TRPA1: variants seen among roughly 807,000 people sequenced by gnomAD.
TRPA1 encodes the protein ankyrin-like with transmembrane domains 1.
In TRPA1, 129 loss-of-function variants were observed where a neutral mutation model predicts 131.3. The ratio of observed to expected loss-of-function variants is 0.98; its 90% CI spans 0.85 to 1.14. The LOEUF (loss-of-function observed/expected upper bound fraction) is 1.14. Among genes scored for constraint, TRPA1 ranks in the 50% most tolerant of loss-of-function variants. The pLI is 0.00. For missense variants in TRPA1, 1,304 were observed against 1,354.2 expected (o/e 0.96, Z 0.58); for synonymous variants, 441 against 451.7 (o/e 0.98, Z 0.30).
chr8:72,057,955 AATT>A (rs746147756), intron 8 of TRPA1, 139 bp from the exon 9 acceptor site: 1 of 664,384 alleles, frequency 1.5e-6, no homozygotes, highest in Non-Finnish European at 2.6e-6. Context: ...CTAGTTATAG[AATT>A]ATTTGAAAGT....
At chr8:72,055,160 A>G in intron 12 of TRPA1, 1 of 411,892 alleles carries the variant, frequency 2.4e-6, no homozygotes, top group Non-Finnish European at 4.4e-6. Flanking sequence ...AAAGGTTCTG[A>G]GAAAGACTGC....
intron 25 of TRPA1, among the ~76,000 whole-genome samples, chr8:72,024,225 G>A (rs1289797377): frequency 2.0e-5 from 3 of 152,144 alleles, no homozygotes; most frequent in Non-Finnish European, 4.4e-5. Context: ...ATCACGGAAG[G>A]TGGTATTCTA....
intron 20 of TRPA1, 34 bp from the exon 21 acceptor site, chr8:72,036,491 T>C (rs1158694956): frequency 7.0e-6 from 11 of 1,581,138 alleles, no homozygotes; most frequent in African/African-American, 1.3e-5. Context: ...TTACCACATA[T>C]AGAGACCTAG....
In TRPA1 at chr8:72,061,751, C is replaced by A; in HGVS notation, c.818G>T (p.Cys273Phe). Residue 273 changes from cysteine (C) to phenylalanine (F), a missense_variant, in exon 7 of 27, where the codon TGC (cysteine) becomes TTC (phenylalanine). By Grantham distance (205) the Cys-to-Phe change is radical. Coordinates refer to ENST00000262209, the MANE Select transcript of TRPA1 (RefSeq NM_007332.3). ...AQIDPVEKGR[C>F]TAIHFAATQG... ...GGTGGCAGCAAAATGAATGGCTGTG[C>A]ACCTTCCCTTCTGTAAAGGGTTTTA... The A allele has an allele frequency of 6.2e-7, 1 of 1,613,860 alleles. No homozygotes were observed. Among genetic ancestry groups the A allele is most frequent in the Non-Finnish European group, 8.5e-7 (1 of 1,179,846 alleles).
chr8:72,065,554 A>C lies in TRPA1; in HGVS notation c.449T>G (p.Leu150Trp). The change falls in exon 4 of 27, where the codon TTG becomes TGG. Residue 150 changes from leucine to tryptophan, a missense_variant. Coordinates refer to ENST00000262209, the MANE Select transcript of TRPA1 (RefSeq NM_007332.3). Reference sequence around the variant, plus strand: ...AACATCAATAGTTCTATGCTCAAGCAAGACCTAAAAAAAGGGGAGAATAAT... The same window carrying C: ...AACATCAATAGTTCTATGCTCAAGCCAGACCTAAAAAAAGGGGAGAATAAT... ...QGMNNEVMKV[L>W]LEHRTIDVNL... 7 of 1,612,742 alleles carry C rather than the reference A, an allele frequency of 4.3e-6. No individual in the cohort carries two copies. The highest frequency in any genetic ancestry group is 5.9e-6 in the Non-Finnish European group (7 of 1,179,092).
At chr8:72,038,485 A>G (rs906836577) in intron 19 of TRPA1, among the ~76,000 whole-genome samples, 2 of 152,066 alleles carry the variant, frequency 1.3e-5, no homozygotes, top group Non-Finnish European at 2.9e-5. Flanking sequence ...ATCTAGTTCC[A>G]TAACTTTTTC....
chr8:72,061,644 G>A lies in TRPA1; in HGVS notation c.925C>T (p.His309Tyr), dbSNP rs143084160. 8.8e-5 allele frequency: 142 copies of A among 1,613,938 alleles called. No individual in the cohort carries two copies. The highest frequency in any genetic ancestry group is 1.1e-4 in the Non-Finnish European group (132 of 1,179,954). The change falls in exon 7 of 27, where the codon CAT becomes TAT. Residue 309 changes from histidine (H) to tyrosine (Y), a missense_variant. His to Tyr is a moderately conservative substitution (Grantham distance 83). Coordinates refer to ENST00000262209, the MANE Select transcript of TRPA1 (RefSeq NM_007332.3). ...ACTTGCCTGTGAAGCATGGTCTCAT[G>A]ACATCCATCGGTTGTGTTAACAATA... ...VDIVNTTDGCHETMLHRASLF... is the reference protein window; with the variant it reads ...VDIVNTTDGCYETMLHRASLF...
intron 25 of TRPA1, among the ~76,000 whole-genome samples, chr8:72,024,120 T>A (rs1299537508): frequency 6.6e-6 from 1 of 152,030 alleles, no homozygotes; most frequent in African/African-American, 2.4e-5. Context: ...AAATAAAACA[T>A]GTACAGATAA....
intron 25 of TRPA1, among the ~76,000 whole-genome samples, chr8:72,024,756 G>A (rs1264719830): frequency 6.6e-6 from 1 of 152,186 alleles, no homozygotes; most frequent in Non-Finnish European, 1.5e-5. Context: ...GGGAACTGAA[G>A]AGTGAGCTCT....
the TRPA1 span, among the ~76,000 whole-genome samples, chr8:72,084,818 A>C: frequency 6.6e-6 from 1 of 151,504 alleles, no homozygotes; most frequent in East Asian, 1.9e-4. Flanking sequence ...CACCCAGCTG[A>C]TTTTTGTATT....
chr8:72,040,591 ACTAACTT>A (rs1258375680), intron 17 of TRPA1, among the ~76,000 whole-genome samples: 1 of 152,106 alleles, frequency 6.6e-6, no homozygotes, highest in Non-Finnish European at 1.5e-5. Flanking sequence ...GAACATATCC[ACTAACTT>A]CTGACTTCTA....
At chr8:72,046,745 T>C (rs1805337409) in intron 16 of TRPA1, 137 bp from the exon 17 acceptor site, 1 of 574,250 alleles carries the variant, frequency 1.7e-6, no homozygotes, top group Non-Finnish European at 3.1e-6. Flanking sequence ...AGTTGAGTTA[T>C]TTCAAGTGGA....
At chr8:72,063,028 TA>T (rs890492532) in intron 5 of TRPA1, 84 bp from the exon 6 acceptor site, 5 of 1,333,316 alleles carry the variant, frequency 3.8e-6, no homozygotes, top group Non-Finnish European at 5.2e-6. Context: ...TGAACAAAGG[TA>T]AAAAAACAAT....
chr8:72,068,933 G>A, intron 3 of TRPA1, 90 bp downstream of exon 3: 2 of 1,348,036 alleles, frequency 1.5e-6, no homozygotes, highest in Non-Finnish European at 2.1e-6. Flanking sequence ...CTTAGAAGGT[G>A]CTCATCCTGG....
intron 4 of TRPA1, among the ~76,000 whole-genome samples, chr8:72,064,771 G>GA (rs1358697943): frequency 6.6e-6 from 1 of 151,856 alleles, no homozygotes; most frequent in Non-Finnish European, 1.5e-5. Context: ...ACGAATATTT[G>GA]AAAAAAGTCT....
chr8:72,073,495 A>G (rs6993348), intron 1 of TRPA1, among the ~76,000 whole-genome samples: 1 of 151,918 alleles, frequency 6.6e-6, no homozygotes, highest in Admixed American at 6.6e-5. Context: ...AACCCTTCAT[A>G]GTGTTATATA....
rs562687369 is a variant in TRPA1, at chr8:72,036,585, G to T, written c.2386-128C>A. The T allele has an allele frequency of 1.1e-5, 9 of 838,108 alleles. No homozygotes were observed. In the African/African-American group the frequency reaches 1.4e-4, roughly 13 times the overall value. The allele number at this position is 838,108 out of a possible 1,614,324, so 51.9% of individuals were successfully genotyped here. A position where few individuals can be genotyped will look rare whatever the true frequency, so the allele number is the denominator to read the frequency against. On this transcript the variant is annotated intron_variant, in intron 20 of 26. Coordinates refer to ENST00000262209, the MANE Select transcript of TRPA1 (RefSeq NM_007332.3). ...AGCTGGGGAGAAGTTTAGGACCAAGGAGTAACCTCACGCCATCCTGGATTG... is the reference window on the plus strand; with the variant it reads ...AGCTGGGGAGAAGTTTAGGACCAAGTAGTAACCTCACGCCATCCTGGATTG...
At chr8:72,049,311 CATT>C (rs1331034101) in intron 15 of TRPA1, among the ~76,000 whole-genome samples, 1 of 152,110 alleles carries the variant, frequency 6.6e-6, no homozygotes, top group Non-Finnish European at 1.5e-5. Flanking sequence ...GTATTAGCAT[CATT>C]ATTTTAGAAA....
intron 7 of TRPA1, among the ~76,000 whole-genome samples, chr8:72,059,810 T>C (rs933508253): frequency 1.3e-5 from 2 of 152,202 alleles, no homozygotes; most frequent in South Asian, 2.1e-4. Flanking sequence ...ACATGTAAGG[T>C]GTCCCTCAAA....
Sources: gnomAD v4.1 joint callset for allele counts (sites outside exome capture counted in the v4.1 genomes callset) on GRCh38, gnomAD v4.1.1 for gene constraint, MANE v1.5 for transcripts, NCBI Gene and HGNC (gene_info 2026-07-23, HGNC 2026-07-21) for gene names.